The following CGNL1 variants were observed in gnomAD, a reference collection of about 807,000 sequenced individuals.
CGNL1 encodes cingulin like 1.
CGNL1 carries 132 observed loss-of-function variants against 141.2 expected under a neutral mutation model. The ratio of observed to expected loss-of-function variants is 0.93; its 90% CI spans 0.81 to 1.08. The LOEUF is 1.08. Among genes scored for constraint, CGNL1 ranks in the 50% least tolerant of loss-of-function variants. CGNL1 has a pLI of 0.00. For missense variants in CGNL1, 1,870 were observed against 1,588.6 expected (o/e 1.18, Z -3.01); for synonymous variants, 690 against 622.1 (o/e 1.11, Z -1.63).
chr15:57,419,098 A>G (rs1478786654), intron 1 of CGNL1, among the ~76,000 whole-genome samples: 3 of 151,980 alleles, frequency 2.0e-5, no homozygotes, highest in Admixed American at 6.6e-5. Context: ...CGCCCGGCTA[A>G]TTTTTGTATT....
chr15:57,453,900 A>T, intron 7 of CGNL1, 82 bp downstream of exon 7: 1 of 1,539,062 alleles, frequency 6.5e-7, no homozygotes, highest in Non-Finnish European at 8.9e-7. Flanking sequence ...GTGGACTGCA[A>T]GCCACTTTCT....
At chr15:57,538,068 G>A (rs1205112809) in intron 14 of CGNL1, among the ~76,000 whole-genome samples, 11 of 152,340 alleles carry the variant, frequency 7.2e-5, no homozygotes, top group East Asian at 5.8e-4. Context: ...TTTGATTTAC[G>A]ATATTCCCAA....
At chr15:57,508,695 C>T (rs1383740751) in intron 8 of CGNL1, among the ~76,000 whole-genome samples, 1 of 152,198 alleles carries the variant, frequency 6.6e-6, no homozygotes, top group Non-Finnish European at 1.5e-5. Context: ...AGGAGCTCAG[C>T]TCAAATCTCT....
At chr15:57,535,696 A>T (rs2032220933) in intron 14 of CGNL1, among the ~76,000 whole-genome samples, 1 of 152,210 alleles carries the variant, frequency 6.6e-6, no homozygotes, top group African/African-American at 2.4e-5. Flanking sequence ...GAATGGCTCT[A>T]TTGTGAAGGC....
At chr15:57,546,972 A>C (rs540446827) in intron 18 of CGNL1, among the ~76,000 whole-genome samples, 1 of 152,320 alleles carries the variant, frequency 6.6e-6, no homozygotes, top group East Asian at 1.9e-4. Flanking sequence ...AGCATTTAAG[A>C]GGGCACCAAA....
At chr15:57,437,946 A>G (rs2063126686) in intron 1 of CGNL1, 39 bp from the exon 2 acceptor site, 1 of 1,514,404 alleles carries the variant, frequency 6.6e-7, no homozygotes. Context: ...ATGTAATTCT[A>G]ACCTAATGTC....
rs1376038757 is a variant in CGNL1 at position 57,518,424 on chromosome 15, T to C, written c.2642T>C (p.Val881Ala). 1.2e-6 allele frequency: 2 copies of C among 1,613,332 alleles called. No individual in the cohort carries two copies. The highest frequency in any genetic ancestry group is 1.3e-5 in the African/African-American group (1 of 74,892). ...GEIRQLEEAL[V>A]HARKEEKEAV... ...ATACGACAGTTAGAGGAGGCCCTTG[T>C]GCACGCCAGAAAGGAAGAAAAAGAA... Residue 881 changes from valine (V) to alanine (A), a missense_variant, in exon 10 of 19, where the codon GTG (valine) becomes GCG (alanine). Coordinates refer to ENST00000281282, the MANE Select transcript of CGNL1 (RefSeq NM_032866.5).
chr15:57,521,179 T>C (rs1277272488), intron 10 of CGNL1, among the ~76,000 whole-genome samples: 1 of 152,188 alleles, frequency 6.6e-6, no homozygotes, highest in Non-Finnish European at 1.5e-5. Context: ...ATGTTTGCTT[T>C]TTTTCATGTG....
At chr15:57,393,741 C>T (rs934338803) in intron 1 of CGNL1, among the ~76,000 whole-genome samples, 1 of 152,048 alleles carries the variant, frequency 6.6e-6, no homozygotes, top group Non-Finnish European at 1.5e-5. Context: ...GCTTACTTGA[C>T]ATGATCTTAG....
chr15:57,440,532 C>T, intron 3 of CGNL1, 61 bp downstream of exon 3: 1 of 1,317,944 alleles, frequency 7.6e-7, no homozygotes, highest in Non-Finnish European at 1.1e-6. Flanking sequence ...CTCTTAATTT[C>T]CTTTTCCGAG....
chr15:57,492,191 T>C (rs2063874266), intron 8 of CGNL1, among the ~76,000 whole-genome samples: 4 of 152,232 alleles, frequency 2.6e-5, no homozygotes, highest in Non-Finnish European at 1.5e-5. Flanking sequence ...TTTCTCACTC[T>C]GGTGAAGGCA....
chr15:57,479,133 G>A (rs1358977132), intron 8 of CGNL1, among the ~76,000 whole-genome samples: 2 of 152,296 alleles, frequency 1.3e-5, no homozygotes, highest in East Asian at 3.9e-4. Context: ...TTGGGTCCCT[G>A]GTTTATTGCC....
chr15:57,381,144 G>T (rs957671680), intron 1 of CGNL1, among the ~76,000 whole-genome samples: 1 of 152,198 alleles, frequency 6.6e-6, no homozygotes, highest in African/African-American at 2.4e-5. Flanking sequence ...GTGCCAGGTA[G>T]CATGCTCAGC....
At chr15:57,471,635 G>C (rs1356479151) in intron 8 of CGNL1, among the ~76,000 whole-genome samples, 1 of 152,158 alleles carries the variant, frequency 6.6e-6, no homozygotes, top group Admixed American at 6.5e-5. Flanking sequence ...TAGCCTTCTG[G>C]GGGGGCCTCC....
At chr15:57,461,380 A>AT (rs534097126) in intron 7 of CGNL1, among the ~76,000 whole-genome samples, 1 of 152,168 alleles carries the variant, frequency 6.6e-6, no homozygotes, top group South Asian at 2.1e-4. Context: ...GTGAAATGAG[A>AT]TGGAAGATAC....
At chr15:57,468,547 G>C (rs1486572894) in intron 8 of CGNL1, among the ~76,000 whole-genome samples, 1 of 147,742 alleles carries the variant, frequency 6.8e-6, no homozygotes, top group Non-Finnish European at 1.5e-5. Flanking sequence ...GTTTTCTTTG[G>C]TAAAAAGTTT....
chr15:57,418,846 G>C (rs2062880172), intron 1 of CGNL1, among the ~76,000 whole-genome samples: 1 of 152,248 alleles, frequency 6.6e-6, no homozygotes, highest in South Asian at 2.1e-4. Context: ...CGTCCGACAT[G>C]CCAGAGCTGG....
intron 13 of CGNL1, among the ~76,000 whole-genome samples, chr15:57,530,309 C>A (rs914191424): frequency 6.6e-6 from 1 of 152,228 alleles, no homozygotes; most frequent in Non-Finnish European, 1.5e-5. Context: ...AGCTAAGCTT[C>A]ATTTGCCCCT....
chr15:57,442,950 G>A (rs1244405978), intron 4 of CGNL1, among the ~76,000 whole-genome samples: 3 of 152,166 alleles, frequency 2.0e-5, no homozygotes, highest in Non-Finnish European at 4.4e-5. Context: ...AAAGTTTAAA[G>A]ATATTTTATT....
Sources: allele counts gnomAD v4.1 joint callset (sites outside exome capture counted in the v4.1 genomes callset), GRCh38; gene constraint gnomAD v4.1.1; transcripts MANE v1.5; gene names NCBI Gene and HGNC (gene_info 2026-07-23, HGNC 2026-07-21).